Variants in EPB41L4A observed in about 807,000 individuals in gnomAD.
EPB41L4A encodes the protein erythrocyte membrane protein band 4.1 like 4A.
Under a neutral mutation model 108.6 loss-of-function variants are expected in EPB41L4A, and 100 were observed. That is an observed-to-expected ratio of 0.92 (90% CI 0.78 to 1.09). The LOEUF (loss-of-function observed/expected upper bound fraction) is 1.09, where lower values mean the gene tolerates loss of function less well. EPB41L4A is among the 50% of genes least tolerant of loss of function. The probability of loss-of-function intolerance (pLI) is 0.00; values close to 1 mark genes in which losing one functional copy is unlikely to be tolerated. For synonymous variants in EPB41L4A, 319 were observed against 289.0 expected (o/e 1.10, Z -1.05); for missense variants, 1,030 against 842.7 (o/e 1.22, Z -2.75).
intron 18 of EPB41L4A, among the ~76,000 whole-genome samples, chr5:112,174,084 C>T (rs1038994989): frequency 1.1e-4 from 17 of 152,186 alleles, no homozygotes; most frequent in African/African-American, 2.4e-4. Context: ...TAAGTTCTGA[C>T]GTGGCCAATA....
chr5:112,293,896 A>G (rs1753817829), intron 2 of EPB41L4A, among the ~76,000 whole-genome samples: 1 of 152,200 alleles, frequency 6.6e-6, no homozygotes, highest in African/African-American at 2.4e-5. Flanking sequence ...CTTTCCTATT[A>G]AACACTGTTT....
At chr5:112,165,662 AACTC>A (rs1190290404) in intron 22 of EPB41L4A, among the ~76,000 whole-genome samples, 1 of 152,172 alleles carries the variant, frequency 6.6e-6, no homozygotes, top group African/African-American at 2.4e-5. Context: ...GAATGACACT[AACTC>A]ACAACTACTA....
intron 12 of EPB41L4A, among the ~76,000 whole-genome samples, chr5:112,219,439 C>T (rs993659211): frequency 6.6e-6 from 1 of 152,118 alleles, no homozygotes; most frequent in Non-Finnish European, 1.5e-5. Context: ...TCTTTTAAAC[C>T]TCTTTTCTTT....
At chr5:112,353,368 G>C (rs545114594) in intron 1 of EPB41L4A, among the ~76,000 whole-genome samples, 1 of 152,360 alleles carries the variant, frequency 6.6e-6, no homozygotes, top group East Asian at 1.9e-4. Context: ...GCAGTGGCGG[G>C]CTGAGCAGGC....
chr5:112,160,970 G>A (rs1277299075), downstream of EPB41L4A: 3 of 156,276 alleles, frequency 1.9e-5, no homozygotes, highest in Non-Finnish European at 2.9e-5. Flanking sequence ...CCGGGCGGGG[G>A]AACGCGGCCA....
intron 11 of EPB41L4A, 50 bp from the exon 12 acceptor site, chr5:112,234,805 A>G (rs201958311): frequency 5.7e-5 from 89 of 1,570,896 alleles, no homozygotes; most frequent in Non-Finnish European, 7.5e-5. Flanking sequence ...CACAGCCACA[A>G]AATTAAACAA....
chr5:112,251,859 G>T (rs1254057199), intron 9 of EPB41L4A, among the ~76,000 whole-genome samples: 2 of 152,150 alleles, frequency 1.3e-5, no homozygotes, highest in Non-Finnish European at 2.9e-5. Flanking sequence ...AGGAAGACAT[G>T]AATGATAAGA....
At chr5:112,365,883 C>T (rs143526952) in intron 1 of EPB41L4A, among the ~76,000 whole-genome samples, 53 of 152,182 alleles carry the variant, frequency 3.5e-4, no homozygotes, top group Admixed American at 5.9e-4. Context: ...TAGAAAACAT[C>T]GGATTTCAAA....
chr5:112,224,256 GT>G, intron 12 of EPB41L4A, among the ~76,000 whole-genome samples: 1 of 152,072 alleles, frequency 6.6e-6, no homozygotes, highest in East Asian at 1.9e-4. Context: ...AGCCTGAGAT[GT>G]TTTAAAGAAT....
At chr5:112,307,337 G>C (rs1194368718) in intron 2 of EPB41L4A, 49 bp downstream of exon 2, 3 of 1,220,028 alleles carry the variant, frequency 2.5e-6, no homozygotes, top group Admixed American at 3.4e-5. Context: ...GCCAGAGATA[G>C]AGTGAAATTT....
At chr5:112,297,492 T>C (rs1754072703) in intron 2 of EPB41L4A, among the ~76,000 whole-genome samples, 1 of 152,146 alleles carries the variant, frequency 6.6e-6, no homozygotes. Flanking sequence ...GGATTGCTTC[T>C]TTCTTATTTG....
At chr5:112,212,888 T>G (rs575762535) in intron 12 of EPB41L4A, among the ~76,000 whole-genome samples, 16 of 152,312 alleles carry the variant, frequency 1.1e-4, no homozygotes, top group Non-Finnish European at 1.9e-4. Flanking sequence ...GACTACTTTT[T>G]TCTTAGTCTA....
At chr5:112,237,173 CAAA>C (rs1749403399) in intron 11 of EPB41L4A, among the ~76,000 whole-genome samples, 1 of 152,128 alleles carries the variant, frequency 6.6e-6, no homozygotes, top group Non-Finnish European at 1.5e-5. Flanking sequence ...CAATGTATAA[CAAA>C]ATGTTTAATC....
chr5:112,405,250 T>C (rs1416998374), intron 1 of EPB41L4A, among the ~76,000 whole-genome samples: 2 of 152,100 alleles, frequency 1.3e-5, no homozygotes, highest in Non-Finnish European at 2.9e-5. Flanking sequence ...TGGTTTTCTG[T>C]TGAAGGCCAG....
intron 1 of EPB41L4A, among the ~76,000 whole-genome samples, chr5:112,318,739 C>T (rs191583663): frequency 6.7e-4 from 102 of 152,300 alleles, no homozygotes; most frequent in Admixed American, 1.0e-3. Context: ...GATAACCAGA[C>T]TAAGACTCAA....
intron 9 of EPB41L4A, among the ~76,000 whole-genome samples, chr5:112,251,466 T>C (rs1427249590): frequency 6.6e-6 from 1 of 152,124 alleles, no homozygotes; most frequent in Non-Finnish European, 1.5e-5. Context: ...AAGCTCTCAA[T>C]AAACTGATAC....
chr5:112,203,299 T>A (rs1175094861), intron 15 of EPB41L4A, among the ~76,000 whole-genome samples: 1 of 151,952 alleles, frequency 6.6e-6, no homozygotes. Context: ...GAGTTTGCAG[T>A]GAGCCAAGAT....
chr5:112,186,829 G>C (rs1470338687), intron 17 of EPB41L4A, among the ~76,000 whole-genome samples: 1 of 152,022 alleles, frequency 6.6e-6, no homozygotes, highest in Admixed American at 6.5e-5. Context: ...GGTGCTACTT[G>C]GAAAGAAAAA....
chr5:112,178,893 A>C (rs769601048), intron 18 of EPB41L4A, among the ~76,000 whole-genome samples: 2 of 151,922 alleles, frequency 1.3e-5, no homozygotes, highest in Non-Finnish European at 2.9e-5. Context: ...AAGAATAAAA[A>C]GTACAGTCAA....
Sources: gnomAD v4.1 joint callset for allele counts (sites outside exome capture counted in the v4.1 genomes callset) on GRCh38, gnomAD v4.1.1 for gene constraint, MANE v1.5 for transcripts, NCBI Gene and HGNC (gene_info 2026-07-23, HGNC 2026-07-21) for gene names.